The following CDCA7L variants were observed in gnomAD, a reference collection of about 807,000 sequenced individuals.
CDCA7L encodes cell division cycle-associated 7-like protein.
A neutral mutation model predicts 57.4 loss-of-function variants in CDCA7L; 44 were observed. The ratio of observed to expected loss-of-function variants is 0.77; its 90% CI spans 0.60 to 0.98. The LOEUF is 0.98. Among genes scored for constraint, CDCA7L ranks in the 50% least tolerant of loss-of-function variants. The pLI is 0.00. For missense variants in CDCA7L, 644 were observed against 580.6 expected (o/e 1.11, Z -1.12); for synonymous variants, 236 against 202.8 (o/e 1.16, Z -1.39).
chr7:21,901,350 A>AGTAACTCACACGTGCATTC lies in CDCA7L; in HGVS notation c.*953_*971dup. 1 of 1,394,558 alleles carries AGTAACTCACACGTGCATTC rather than the reference A, an allele frequency of 7.2e-7. No homozygotes were observed. Among genetic ancestry groups the AGTAACTCACACGTGCATTC allele is most frequent in the Non-Finnish European group, 9.4e-7 (1 of 1,067,444 alleles). The allele number at this position is 1,394,558 out of a possible 1,614,324, so 86.4% of individuals were successfully genotyped here. ...CCCATGCACATTATTCTAACTTTTTAGTAACTCACACGTGCATTCTTTTTT... is the reference window on the plus strand; with the variant it reads ...CCCATGCACATTATTCTAACTTTTTAGTAACTCACACGTGCATTCGTAACTCACACGTGCATTCTTTTTT... On this transcript the variant is annotated 3_prime_UTR_variant, in exon 10 of 10. Transcript: ENST00000406877.
intron 6 of CDCA7L, 27 bp downstream of exon 6, chr7:21,906,262 C>G: frequency 6.4e-7 from 1 of 1,562,810 alleles, no homozygotes; most frequent in Non-Finnish European, 8.7e-7. Flanking sequence ...CAGACAAAAA[C>G]TAATTCATGT....
At chr7:21,912,502 A>T (rs1785365068) in intron 2 of CDCA7L, among the ~76,000 whole-genome samples, 2 of 152,154 alleles carry the variant, frequency 1.3e-5, no homozygotes, top group Admixed American at 1.3e-4. Context: ...ACCAAAACAC[A>T]TGGAAAGAAG....
intron 4 of CDCA7L, among the ~76,000 whole-genome samples, chr7:21,907,679 C>T (rs1785182186): frequency 6.6e-6 from 1 of 152,144 alleles, no homozygotes; most frequent in African/African-American, 2.4e-5. Context: ...CTTCAGAAGT[C>T]TCAGAACCAG....
At chr7:21,902,800 A>ATAGGGAAAATAT in intron 9 of CDCA7L, 178 bp downstream of exon 9, 1 of 597,850 alleles carries the variant, frequency 1.7e-6, no homozygotes, top group Non-Finnish European at 2.8e-6. Context: ...AGATTCCCTA[A>ATAGGGAAAATAT]TAGGGAAAAT....
intron 3 of CDCA7L, among the ~76,000 whole-genome samples, chr7:21,910,825 A>T (rs1384970372): frequency 6.6e-6 from 1 of 152,120 alleles, no homozygotes; most frequent in African/African-American, 2.4e-5. Flanking sequence ...AACACTAAAA[A>T]GCATGACAAA....
chr7:21,917,323 C>T (rs1246861589), intron 1 of CDCA7L, among the ~76,000 whole-genome samples: 1 of 152,150 alleles, frequency 6.6e-6, no homozygotes, highest in Admixed American at 6.5e-5. Flanking sequence ...TTTTTCTCTT[C>T]TTTGTCATAG....
intron 1 of CDCA7L, among the ~76,000 whole-genome samples, chr7:21,930,719 A>G (rs1165157209): frequency 6.7e-6 from 1 of 150,298 alleles, no homozygotes; most frequent in Non-Finnish European, 1.5e-5. Flanking sequence ...AAAAAAAAAA[A>G]AAAAGAACTA....
Position 21,901,394 on chromosome 7 carries a change from G to A in CDCA7L, c.*928C>T. 1 of 1,208,798 alleles carries A rather than the reference G, an allele frequency of 8.3e-7. No individual in the cohort carries two copies. Among genetic ancestry groups the A allele is most frequent in the Non-Finnish European group, 1.1e-6 (1 of 931,732 alleles). 74.9% of individuals were successfully genotyped at this position (1,208,798 alleles called of 1,614,324 possible). Reference sequence around the variant, plus strand: ...CTTTTTTCAACGCTATCCTTAGAGTGAAAGTCAGAAAAAAATACTAGAAAC... The same window carrying A: ...CTTTTTTCAACGCTATCCTTAGAGTAAAAGTCAGAAAAAAATACTAGAAAC... On this transcript the variant is annotated 3_prime_UTR_variant, in exon 10 of 10. Coordinates refer to ENST00000406877, the MANE Select transcript of CDCA7L (RefSeq NM_018719.5).
At position 21,902,074 on chromosome 7, in the gene CDCA7L, C is replaced by A; in HGVS notation, c.*248G>T. Reference sequence around the variant, plus strand: ...TTAAACTGTGCTTTTTAATAACTGGCAGATATTTTTAACAAAGTTCAGCAT... The same window carrying A: ...TTAAACTGTGCTTTTTAATAACTGGAAGATATTTTTAACAAAGTTCAGCAT... On this transcript the variant is annotated 3_prime_UTR_variant, in exon 10 of 10. Transcript: ENST00000406877. 2.0e-6 allele frequency: 1 copy of A among 502,170 alleles called. No homozygotes were observed. Among genetic ancestry groups the A allele is most frequent in the Non-Finnish European group, 3.6e-6 (1 of 279,560 alleles). The allele number at this position is 502,170 out of a possible 1,614,324, so 31.1% of individuals were successfully genotyped here.
intron 7 of CDCA7L, 59 bp from the exon 8 acceptor site, chr7:21,904,318 C>T (rs79163993): frequency 0.013 from 19,452 of 1,456,156 alleles, 273 homozygotes; most frequent in African/African-American, 0.062. Flanking sequence ...CCAATGAGGC[C>T]AGATGCCACC....
intron 9 of CDCA7L, 98 bp downstream of exon 9, chr7:21,902,880 A>T (rs1016274972): frequency 8.1e-6 from 9 of 1,114,870 alleles, no homozygotes; most frequent in Non-Finnish European, 1.2e-5. Context: ...ATAAGTAAGT[A>T]AGTCACACGG....
chr7:21,910,419 C>T (rs1785279616), intron 3 of CDCA7L, among the ~76,000 whole-genome samples: 2 of 152,144 alleles, frequency 1.3e-5, no homozygotes, highest in Non-Finnish European at 1.5e-5. Flanking sequence ...GCCTACCATG[C>T]GGGCTTTTAT....
chr7:21,943,386 C>T (rs777237572), intron 1 of CDCA7L, among the ~76,000 whole-genome samples: 2 of 152,192 alleles, frequency 1.3e-5, no homozygotes, highest in Non-Finnish European at 1.5e-5. Context: ...GCTTTCCAAG[C>T]GATAGAAATT....
intron 1 of CDCA7L, 61 bp from the exon 2 acceptor site, chr7:21,916,955 AT>A (rs1785502831): frequency 6.3e-7 from 1 of 1,592,686 alleles, no homozygotes; most frequent in Admixed American, 1.7e-5. Context: ...ACTTAGGGAC[AT>A]TTTCTGGAGG....
At chr7:21,926,788 T>C (rs574450434) in intron 1 of CDCA7L, among the ~76,000 whole-genome samples, 23 of 152,246 alleles carry the variant, frequency 1.5e-4, no homozygotes, top group African/African-American at 4.8e-4. Context: ...CAAAAGGAGC[T>C]CTTAAGCCTG....
At chr7:21,911,297 G>C (rs534208460) in intron 3 of CDCA7L, among the ~76,000 whole-genome samples, 9 of 152,034 alleles carry the variant, frequency 5.9e-5, no homozygotes, top group Non-Finnish European at 1.3e-4. Context: ...AAAGTGCTGG[G>C]ATTACAGGTA....
chr7:21,914,594 TGA>T (rs1055037507), intron 2 of CDCA7L, among the ~76,000 whole-genome samples: 1 of 152,052 alleles, frequency 6.6e-6, no homozygotes, highest in Non-Finnish European at 1.5e-5. Flanking sequence ...CAGTGGATAA[TGA>T]GAGTGTCAGT....
Position 21,904,243 on chromosome 7 carries a change from T to C in CDCA7L, c.1064A>G (p.Gln355Arg). The change falls in exon 8 of 10, where the codon CAG becomes CGG. Residue 355 changes from glutamine to arginine, a missense_variant. Transcript: ENST00000406877. Reference protein sequence around the residue: ...YDKVLGNTCHQCRQKTIDTKT... With the variant: ...YDKVLGNTCHRCRQKTIDTKT... ...GGTGTCGATGGTCTTTTGTCGACACTGATGGCACGTGTTACCCTACAGGGG... is the reference window on the plus strand; with the variant it reads ...GGTGTCGATGGTCTTTTGTCGACACCGATGGCACGTGTTACCCTACAGGGG... 6.2e-7 allele frequency: 1 copy of C among 1,607,596 alleles called. No individual in the cohort carries two copies. The highest frequency in any genetic ancestry group is 8.5e-7 in the Non-Finnish European group (1 of 1,176,864).
At chr7:21,942,166 T>G (rs1470110782) in intron 1 of CDCA7L, among the ~76,000 whole-genome samples, 1 of 152,182 alleles carries the variant, frequency 6.6e-6, no homozygotes, top group African/African-American at 2.4e-5. Context: ...CTGATGATCA[T>G]GAAGGAAAAC....
Sources: allele counts gnomAD v4.1 joint callset (sites outside exome capture counted in the v4.1 genomes callset), GRCh38; gene constraint gnomAD v4.1.1; transcripts MANE v1.5; gene names NCBI Gene and HGNC (gene_info 2026-07-23, HGNC 2026-07-21).